Variants in GPR155 observed in about 807,000 individuals in gnomAD.
GPR155 encodes G protein-coupled receptor 155.
A neutral mutation model predicts 93.1 loss-of-function variants in GPR155; 65 were observed. The observed-to-expected ratio is 0.70, with a 90% CI of 0.57 to 0.86. The LOEUF is 0.86. GPR155 is among the 40% of genes least tolerant of loss of function. The pLI is 0.00. For missense variants in GPR155, 838 were observed against 1,034.8 expected, an observed-to-expected ratio of 0.81 and a Z score of 2.61; for synonymous variants, 319 against 360.1, an observed-to-expected ratio of 0.89 and a Z score of 1.29.
At position 174,435,212 on chromosome 2, in the gene GPR155, T is replaced by C. The variant is rs1047648675; in HGVS notation, c.*904A>G. 2 of 152,212 alleles carry C rather than the reference T, an allele frequency of 1.3e-5. No individual in the cohort carries two copies. The highest frequency in any genetic ancestry group is 4.8e-5 in the African/African-American group (2 of 41,460). 9.4% of individuals were successfully genotyped at this position (152,212 alleles called of 1,614,324 possible). The stretch of plus-strand genomic sequence containing the variant: ...TTTATAGTACAGTTGACCCTCCATA[T>C]GCACAGGTTCCACATCCATAGATTC... On this transcript the variant is annotated 3_prime_UTR_variant, in exon 16 of 16. Coordinates refer to ENST00000392552, the MANE Select transcript of GPR155 (RefSeq NM_152529.7).
In GPR155 at chr2:174,486,908, G is replaced by A. The variant is rs1202329227; in HGVS notation, c.-67C>T. On this transcript the variant is annotated 5_prime_UTR_variant, in exon 1 of 16. Transcript: ENST00000392552. ...TGCAACCTTGGAGTGGCGAGGAGAA[G>A]GGAGCTGGTGCTCGCAGGGTGCCAA... 6.6e-6 allele frequency: 1 copy of A among 152,506 alleles called. No homozygotes were observed. Among genetic ancestry groups the A allele is most frequent in the Non-Finnish European group, 1.5e-5 (1 of 68,266 alleles). 9.4% of individuals were successfully genotyped at this position (152,506 alleles called of 1,614,324 possible). A position where few individuals can be genotyped will look rare whatever the true frequency, so the allele number is the denominator to read the frequency against.
At chr2:174,440,613 T>C (rs1299759546) in intron 14 of GPR155, among the ~76,000 whole-genome samples, 3 of 152,162 alleles carry the variant, frequency 2.0e-5, no homozygotes, top group Non-Finnish European at 4.4e-5. Context: ...AGCAACTACA[T>C]CTTGATGATA....
At chr2:174,477,348 T>C (rs556821373) in intron 2 of GPR155, among the ~76,000 whole-genome samples, 1 of 152,274 alleles carries the variant, frequency 6.6e-6, no homozygotes, top group African/African-American at 2.4e-5. Context: ...TTTTCAAGAA[T>C]ATGTTGTTAT....
chr2:174,483,759 A>G (rs1688395576), intron 1 of GPR155, among the ~76,000 whole-genome samples: 1 of 151,808 alleles, frequency 6.6e-6, no homozygotes, highest in African/African-American at 2.4e-5. Flanking sequence ...CTAATTTTGA[A>G]TTTTTAGTAG....
intron 9 of GPR155, 74 bp from the exon 10 acceptor site, chr2:174,460,162 T>TC: frequency 9.6e-7 from 1 of 1,045,780 alleles, no homozygotes; most frequent in East Asian, 2.6e-5. Context: ...ACATTTTTTT[T>TC]TTTTTTTTTT....
chr2:174,472,875 G>T, intron 3 of GPR155, 90 bp downstream of exon 3: 2 of 973,820 alleles, frequency 2.1e-6, no homozygotes, highest in Non-Finnish European at 3.1e-6. Context: ...AATATTCAAA[G>T]GGGAAAATGG....
chr2:174,432,913 A>C lies in GPR155; in HGVS notation c.*3203T>G, dbSNP rs537882838. On this transcript the variant is annotated 3_prime_UTR_variant, in exon 16 of 16. Coordinates refer to ENST00000392552, the MANE Select transcript of GPR155 (RefSeq NM_152529.7). ...CGAGTAGCTGGGACTATAGGTGCCC[A>C]CCACCACGTCTGGCTAATTTTTTGT... 1.3e-5 allele frequency: 2 copies of C among 151,598 alleles called. No homozygotes were observed. Among genetic ancestry groups the C allele is most frequent in the Admixed American group, 6.6e-5 (1 of 15,180 alleles). The allele number at this position is 151,598 out of a possible 1,614,324, so 9.4% of individuals were successfully genotyped here. A position where few individuals can be genotyped will look rare whatever the true frequency, so the allele number is the denominator to read the frequency against.
chr2:174,456,509 C>T lies in GPR155; in HGVS notation c.1772-2668G>A, dbSNP rs577555814. Among the ~76,000 whole-genome samples, 67 of 151,762 alleles carry T rather than the reference C, an allele frequency of 4.4e-4. 1 individual carries two copies. In the South Asian group the frequency reaches 0.014, roughly 32 times the overall value. On this transcript the variant is annotated intron_variant, in intron 10 of 15. Coordinates refer to ENST00000392552, the MANE Select transcript of GPR155 (RefSeq NM_152529.7). ...TGTAGAGATGGGTTTTGCCATGTTG[C>T]CCAGGCTGGTCTCCAACTCCTGAGC... is the stretch of plus-strand genomic sequence containing the variant.
chr2:174,441,726 T>C lies in GPR155; in HGVS notation c.2174+393A>G, dbSNP rs1686967235. On this transcript the variant is annotated intron_variant, in intron 14 of 15. Transcript: ENST00000392552. ...CGATAGAAAAACATCAGTATCTTTGTGTGTGTGTGTGTGTGTGTGTGTGTG... is the reference window on the plus strand; with the variant it reads ...CGATAGAAAAACATCAGTATCTTTGCGTGTGTGTGTGTGTGTGTGTGTGTG... Among the ~76,000 whole-genome samples the C allele has an allele frequency of 0.014, 6 of 430 alleles. No homozygotes were observed. The South Asian group carries it at 0.38, about 27-fold the overall frequency. 0.3% of individuals were successfully genotyped at this position (430 alleles called of 152,430 possible).
intron 4 of GPR155, among the ~76,000 whole-genome samples, chr2:174,469,764 T>G (rs1687939507): frequency 1.3e-5 from 2 of 152,196 alleles, no homozygotes; most frequent in African/African-American, 4.8e-5. Context: ...AAAAAACTGA[T>G]TAAAAAAAGT....
intron 15 of GPR155, among the ~76,000 whole-genome samples, chr2:174,437,135 TAAAC>T (rs957169180): frequency 1.1e-4 from 16 of 152,214 alleles, no homozygotes; most frequent in East Asian, 3.9e-4. Context: ...TATGTACAAA[TAAAC>T]AAAGGATAGA....
intron 9 of GPR155, among the ~76,000 whole-genome samples, chr2:174,460,629 C>T (rs1687662854): frequency 6.6e-6 from 1 of 152,146 alleles, no homozygotes; most frequent in African/African-American, 2.4e-5. Flanking sequence ...TCATGTATAA[C>T]AATTGGTTAC....
At position 174,435,436 on chromosome 2, in the gene GPR155, A is replaced by T. The variant is rs1686746907; in HGVS notation, c.*680T>A. ...ATATGGGAGAATGTGCATAGGTTAT[A>T]TGCAAATACTACACCATTTTATTAA... On this transcript the variant is annotated 3_prime_UTR_variant, in exon 16 of 16. Coordinates refer to ENST00000392552, the MANE Select transcript of GPR155 (RefSeq NM_152529.7). The T allele has an allele frequency of 7.1e-6, 1 of 140,998 alleles. No homozygotes were observed. Among genetic ancestry groups the T allele is most frequent in the African/African-American group, 2.5e-5 (1 of 39,536 alleles). 8.7% of individuals were successfully genotyped at this position (140,998 alleles called of 1,614,324 possible).
Position 174,436,089 on chromosome 2 carries a change from T to TAC in GPR155, c.*26_*27insGT. 5.1e-6 allele frequency: 8 copies of TAC among 1,577,588 alleles called. No homozygotes were observed. The South Asian group carries it at 9.0e-5, about 18-fold the overall frequency. ...AATGAATACGCGGCTAGAATATGAT[T>TAC]CCATGTAGGGTTCTCCCCTGCATAA... On this transcript the variant is annotated 3_prime_UTR_variant, in exon 16 of 16. Coordinates refer to ENST00000392552, the MANE Select transcript of GPR155 (RefSeq NM_152529.7).
At chr2:174,475,984 C>A (rs991694862) in intron 2 of GPR155, among the ~76,000 whole-genome samples, 1 of 152,174 alleles carries the variant, frequency 6.6e-6, no homozygotes, top group Non-Finnish European at 1.5e-5. Context: ...ACTTTCCTGG[C>A]ACACTAGCAT....
Position 174,459,925 on chromosome 2 carries a change from G to A in GPR155, c.1724C>T (p.Ala575Val). Residue 575 changes from alanine (A) to valine (V), a missense_variant, in exon 10 of 16, where the codon GCA becomes GTA. Ala to Val is a moderately conservative substitution (Grantham distance 64). This residue lies in a region of GPR155 where 663 missense variants were observed against 790.1 expected (regional missense o/e 0.84). Transcript: ENST00000392552. ...PGNTAFEESPAPVNEPELFTS... is the reference protein window; with the variant it reads ...PGNTAFEESPVPVNEPELFTS... ...AAAAAGTTCTGGTTCATTTACTGGT[G>A]CTGGACTCTCCTCAAAAGCAGTATT... is the stretch of plus-strand genomic sequence containing the variant. 6.2e-7 allele frequency: 1 copy of A among 1,613,952 alleles called. No individual in the cohort carries two copies. Among genetic ancestry groups the A allele is most frequent in the South Asian group, 1.1e-5 (1 of 91,078 alleles).
At chr2:174,467,772 CAG>C (rs1687881626) in intron 5 of GPR155, among the ~76,000 whole-genome samples, 1 of 152,098 alleles carries the variant, frequency 6.6e-6, no homozygotes, top group African/African-American at 2.4e-5. Flanking sequence ...GTGTGTGAGA[CAG>C]AGTCTCACTG....
chr2:174,441,200 C>CT (rs561614918), intron 14 of GPR155, among the ~76,000 whole-genome samples: 1 of 151,540 alleles, frequency 6.6e-6, no homozygotes, highest in Non-Finnish European at 1.5e-5. Flanking sequence ...ACATCACTAT[C>CT]TTTTTTTTAA....
chr2:174,461,350 G>T, intron 9 of GPR155, 52 bp downstream of exon 9: 1 of 1,055,424 alleles, frequency 9.5e-7, no homozygotes, highest in South Asian at 1.3e-5. Context: ...GGCACATAAC[G>T]AGCTAAAAAG....
Sources: gnomAD v4.1 joint callset for allele counts (sites outside exome capture counted in the v4.1 genomes callset) on GRCh38, gnomAD v4.1.1 for gene constraint, gnomAD v4.1.1 regional missense constraint, MANE v1.5 for transcripts, NCBI Gene and HGNC (gene_info 2026-07-23, HGNC 2026-07-21) for gene names.